Variants in ABCA1 observed in about 807,000 individuals in gnomAD.
ABCA1 encodes ATP binding cassette subfamily A member 1.
ABCA1 carries 133 observed loss-of-function variants against 262.5 expected under a neutral mutation model. The ratio of observed to expected loss-of-function variants is 0.51; its 90% confidence interval spans 0.44 to 0.59. ABCA1 has a LOEUF of 0.59. Ranked by LOEUF, ABCA1 falls within the 20% of genes least tolerant of loss-of-function variation. ABCA1 has a pLI of 0.00. For missense variants in ABCA1, 2,452 were observed against 2,777.5 expected, an observed-to-expected ratio of 0.88 and a Z score of 2.63; for synonymous variants, 1,022 against 1,043.5, an observed-to-expected ratio of 0.98 and a Z score of 0.40.
chr9:104,786,343 T>C lies in ABCA1; in HGVS notation c.6356A>G (p.Asn2119Ser), dbSNP rs1345500775. The C allele has an allele frequency of 2.5e-6, 4 of 1,614,048 alleles. No homozygotes were observed. Among genetic ancestry groups the C allele is most frequent in the Non-Finnish European group, 3.4e-6 (4 of 1,180,018 alleles). ...ALCTRMAIMV[N>S]GRFRCLGSVQ... ...ACTGCCAAGGCACCTGAACCTTCCA[T>C]TGACCATGATTGCCATCCTAGTGCA... The change falls in exon 48 of 50, where the codon AAT becomes AGT. Residue 2119 changes from asparagine to serine, a missense_variant. By Grantham distance (46) the Asn-to-Ser change is conservative (BLOSUM62 1). Transcript: ENST00000374736.
rs2118823978 is a variant in ABCA1 at position 104,782,204 on chromosome 9, T to C, written c.*2111A>G. The C allele has an allele frequency of 6.6e-6, 1 of 152,272 alleles. No homozygotes were observed. Among genetic ancestry groups the C allele is most frequent in the South Asian group, 2.1e-4 (1 of 4,830 alleles). 9.4% of individuals were successfully genotyped at this position (152,272 alleles called of 1,614,324 possible). A position where few individuals can be genotyped will look rare whatever the true frequency, so the allele number is the denominator to read the frequency against. On this transcript the variant is annotated 3_prime_UTR_variant, in exon 50 of 50. Transcript: ENST00000374736. ...AAATTATTCTATAAATTCTGTATTTTTGAAGATACTGTAAAATGCAACGAT... is the reference window on the plus strand; with the variant it reads ...AAATTATTCTATAAATTCTGTATTTCTGAAGATACTGTAAAATGCAACGAT...
intron 5 of ABCA1, among the ~76,000 whole-genome samples, chr9:104,866,544 G>A (rs1432130029): frequency 7.3e-5 from 11 of 151,272 alleles, no homozygotes; most frequent in Non-Finnish European, 1.5e-4. Context: ...GAAGTGGCCC[G>A]CTCTTGGCTC....
intron 39 of ABCA1, 120 bp downstream of exon 39, chr9:104,795,933 G>A: frequency 3.6e-6 from 5 of 1,398,290 alleles, no homozygotes; most frequent in Non-Finnish European, 5.0e-6. Context: ...TCTGAAGACA[G>A]GACAAGGCAG....
rs775519455 is a variant in ABCA1, at chr9:104,799,950, A to G, written c.4812T>C (p.Ser1604=). The G allele has an allele frequency of 6.2e-7, 1 of 1,614,188 alleles. No homozygotes were observed. Among genetic ancestry groups the G allele is most frequent in the Admixed American group, 1.7e-5 (1 of 60,018 alleles). ...FNNKGWHAIS[S]FLNVINNAIL... is the part of the protein sequence containing the mutation. ...TGGCATTGTTGATGACATTCAGGAAAGAGCTGATTGCATGCCAGCCCTTGT... is the reference window on the plus strand; with the variant it reads ...TGGCATTGTTGATGACATTCAGGAAGGAGCTGATTGCATGCCAGCCCTTGT... Residue 1604 remains serine, a synonymous_variant, in exon 36 of 50, where the codon TCT becomes TCC. Transcript: ENST00000374736.
At chr9:104,846,282 A>C (rs1378877881) in intron 7 of ABCA1, among the ~76,000 whole-genome samples, 1 of 152,236 alleles carries the variant, frequency 6.6e-6, no homozygotes, top group Non-Finnish European at 1.5e-5. Context: ...AGGAGCCTCA[A>C]GTTGGGTTCT....
At chr9:104,802,231 A>G in intron 33 of ABCA1, 72 bp from the exon 34 acceptor site, 1 of 1,353,114 alleles carries the variant, frequency 7.4e-7, no homozygotes, top group South Asian at 1.2e-5. Context: ...ACTCAGTGCG[A>G]GTGTGTACAA....
intron 3 of ABCA1, 125 bp downstream of exon 3, chr9:104,888,977 T>A (rs1839462442): frequency 1.1e-6 from 1 of 877,696 alleles, no homozygotes; most frequent in African/African-American, 1.6e-5. Context: ...CTAGGTTTTC[T>A]GATCCAAAGC....
chr9:104,903,857 A>G, intron 1 of ABCA1, 86 bp from the exon 2 acceptor site: 1 of 654,368 alleles, frequency 1.5e-6, no homozygotes, highest in Non-Finnish European at 2.7e-6. Flanking sequence ...CAGCCCTCTC[A>G]GCTGAGACCT....
At chr9:104,916,186 A>G (rs1297225206) in intron 1 of ABCA1, among the ~76,000 whole-genome samples, 1 of 152,180 alleles carries the variant, frequency 6.6e-6, no homozygotes, top group Admixed American at 6.5e-5. Context: ...TAATTAACAC[A>G]ATCATTAAAG....
chr9:104,818,008 T>C (rs527479474), intron 23 of ABCA1, among the ~76,000 whole-genome samples: 3 of 152,270 alleles, frequency 2.0e-5, no homozygotes, highest in African/African-American at 7.2e-5. Flanking sequence ...GAGGAAAACA[T>C]ACCTGGTAAT....
At position 104,832,785 on chromosome 9, in the gene ABCA1, G is replaced by A. The variant is rs1833459721; in HGVS notation, c.1312-14C>T. ...GTCCAACAGCATCTGCCATTCCAGT[G>A]AGAAAGTACAAGTAGTAAACACCAA... On this transcript the variant is annotated splice_polypyrimidine_tract_variant and intron_variant, in intron 11 of 49. Coordinates refer to ENST00000374736, the MANE Select transcript of ABCA1 (RefSeq NM_005502.4). 1.2e-6 allele frequency: 2 copies of A among 1,613,786 alleles called. No individual in the cohort carries two copies. The highest frequency in any genetic ancestry group is 1.1e-5 in the South Asian group (1 of 91,070).
intron 37 of ABCA1, 71 bp downstream of exon 37, chr9:104,798,350 T>G (rs939260670): frequency 1.4e-5 from 21 of 1,554,896 alleles, no homozygotes; most frequent in Non-Finnish European, 1.9e-5. Context: ...GCCAGAGCTC[T>G]TTCTTTCTTA....
intron 30 of ABCA1, among the ~76,000 whole-genome samples, chr9:104,807,068 A>G (rs1830830077): frequency 6.6e-6 from 1 of 152,198 alleles, no homozygotes. Context: ...TTTTAGGAAT[A>G]ATAGGAAGAC....
intron 28 of ABCA1, among the ~76,000 whole-genome samples, chr9:104,811,857 A>AT (rs1481994002): frequency 6.6e-6 from 1 of 152,234 alleles, no homozygotes; most frequent in Admixed American, 6.5e-5. Flanking sequence ...CATATAGCCA[A>AT]TAAGTAGCAA....
At chr9:104,816,934 C>T (rs1294256586) in intron 24 of ABCA1, among the ~76,000 whole-genome samples, 1 of 152,158 alleles carries the variant, frequency 6.6e-6, no homozygotes, top group Non-Finnish European at 1.5e-5. Context: ...TGGCCTCCTA[C>T]ACACGCTACC....
At chr9:104,880,631 C>T (rs552338728) in intron 5 of ABCA1, among the ~76,000 whole-genome samples, 1 of 152,218 alleles carries the variant, frequency 6.6e-6, no homozygotes, top group South Asian at 2.1e-4. Flanking sequence ...TCCCCCTATA[C>T]TGAAGCCTGT....
intron 1 of ABCA1, among the ~76,000 whole-genome samples, chr9:104,927,217 AAAAG>A (rs1826418967): frequency 1.4e-5 from 2 of 145,090 alleles, no homozygotes; most frequent in Admixed American, 7.3e-5. Context: ...GGAAAGAAAA[AAAAG>A]AAAAAGAAAA....
chr9:104,806,952 CAAT>C (rs1196521976), intron 30 of ABCA1, among the ~76,000 whole-genome samples: 1 of 152,112 alleles, frequency 6.6e-6, no homozygotes, highest in African/African-American at 2.4e-5. Flanking sequence ...CAAAACATAA[CAAT>C]GATGGAGAAC....
intron 5 of ABCA1, among the ~76,000 whole-genome samples, chr9:104,876,149 A>G (rs1380454772): frequency 2.0e-5 from 3 of 152,218 alleles, no homozygotes; most frequent in Non-Finnish European, 4.4e-5. Flanking sequence ...CACTTGGGTC[A>G]TGCCAGCTAA....
Sources: gnomAD v4.1 joint callset for allele counts (sites outside exome capture counted in the v4.1 genomes callset) on GRCh38, gnomAD v4.1.1 for gene constraint, MANE v1.5 for transcripts, NCBI Gene and HGNC (gene_info 2026-07-23, HGNC 2026-07-21) for gene names.